Variants in SPON1 observed in about 807,000 individuals in gnomAD.
The protein encoded by SPON1 is spondin 1, also known as spondin-1.
SPON1 carries 52 observed loss-of-function variants against 111.7 expected under a neutral mutation model. That is an observed-to-expected ratio of 0.47 (90% CI 0.37 to 0.59). The LOEUF (loss-of-function observed/expected upper bound fraction) is 0.59. SPON1 is among the 20% of genes least tolerant of loss of function. The pLI, the probability that SPON1 is intolerant of heterozygous loss-of-function variation, is 0.00. For missense variants in SPON1, 957 were observed against 1,068.5 expected (o/e 0.90, Z 1.46); for synonymous variants, 410 against 395.8 (o/e 1.04, Z -0.43).
At chr11:13,981,473 C>T (rs1245269570) in intron 1 of SPON1, among the ~76,000 whole-genome samples, 1 of 152,142 alleles carries the variant, frequency 6.6e-6, no homozygotes, top group South Asian at 2.1e-4. Flanking sequence ...ACTACAGGTG[C>T]CTACCACCAC....
intron 2 of SPON1, among the ~76,000 whole-genome samples, chr11:14,037,797 G>A (rs1554916828): frequency 6.6e-6 from 1 of 152,204 alleles, no homozygotes. Context: ...GAGAAGACAA[G>A]CCACAGATTT....
intron 6 of SPON1, among the ~76,000 whole-genome samples, chr11:14,191,186 C>T (rs782315106): frequency 1.8e-4 from 27 of 152,212 alleles, no homozygotes; most frequent in African/African-American, 4.8e-4. Context: ...TCTCTGAGTC[C>T]GCTGCTGCCT....
chr11:14,116,301 G>A (rs1849266608), intron 5 of SPON1, among the ~76,000 whole-genome samples: 1 of 151,964 alleles, frequency 6.6e-6, no homozygotes, highest in African/African-American at 2.4e-5. Flanking sequence ...CATTTAAGAA[G>A]TTTTTGCCTA....
intron 6 of SPON1, among the ~76,000 whole-genome samples, chr11:14,145,676 C>A (rs1227505252): frequency 6.6e-6 from 1 of 151,940 alleles, no homozygotes; most frequent in Non-Finnish European, 1.5e-5. Context: ...TAAAATAATT[C>A]TATATCTAGG....
chr11:13,976,809 A>G (rs1180759396), intron 1 of SPON1, among the ~76,000 whole-genome samples: 1 of 152,230 alleles, frequency 6.6e-6, no homozygotes, highest in Admixed American at 6.5e-5. Context: ...GATCATGACT[A>G]GCTCTTCAGC....
chr11:14,182,788 C>T (rs548619162), intron 6 of SPON1, among the ~76,000 whole-genome samples: 2 of 152,264 alleles, frequency 1.3e-5, no homozygotes, highest in South Asian at 2.1e-4. Flanking sequence ...CACACTCCAG[C>T]GCTCACTGAA....
At chr11:14,126,254 T>C (rs1847458162) in intron 5 of SPON1, among the ~76,000 whole-genome samples, 1 of 152,294 alleles carries the variant, frequency 6.6e-6, no homozygotes, top group African/African-American at 2.4e-5. Flanking sequence ...AAATTAACCA[T>C]CACTCTGCCA....
chr11:13,982,641 G>T (rs1554909804), intron 1 of SPON1, among the ~76,000 whole-genome samples: 1 of 152,162 alleles, frequency 6.6e-6, no homozygotes, highest in Non-Finnish European at 1.5e-5. Context: ...TAGCAGCTCA[G>T]ATATTTAACA....
chr11:14,237,567 T>A (rs1329255957), intron 6 of SPON1, among the ~76,000 whole-genome samples: 1 of 152,232 alleles, frequency 6.6e-6, no homozygotes, highest in Non-Finnish European at 1.5e-5. Flanking sequence ...TCATCTGCAG[T>A]GGACAGCGTG....
chr11:14,137,564 C>G (rs782304449), intron 6 of SPON1, among the ~76,000 whole-genome samples: 1 of 152,058 alleles, frequency 6.6e-6, no homozygotes, highest in Admixed American at 6.6e-5. Context: ...ATAAGGAAAC[C>G]AAGGCATGGT....
At chr11:14,007,570 A>C (rs1449827165) in intron 2 of SPON1, among the ~76,000 whole-genome samples, 1 of 152,186 alleles carries the variant, frequency 6.6e-6, no homozygotes, top group African/African-American at 2.4e-5. Flanking sequence ...TGCCTTCCCC[A>C]GTCCACTGAC....
At chr11:14,184,459 T>G (rs1046479250) in intron 6 of SPON1, among the ~76,000 whole-genome samples, 2 of 152,178 alleles carry the variant, frequency 1.3e-5, no homozygotes, top group African/African-American at 2.4e-5. Flanking sequence ...TGCTATTACC[T>G]CTGAAGCATC....
At chr11:14,116,448 T>A (rs1328699025) in intron 5 of SPON1, among the ~76,000 whole-genome samples, 1 of 151,398 alleles carries the variant, frequency 6.6e-6, no homozygotes, top group East Asian at 2.0e-4. Flanking sequence ...TCTTTCTGAA[T>A]TTTTTTTTAC....
chr11:14,261,268 C>T (rs181134009), intron 14 of SPON1, among the ~76,000 whole-genome samples: 139 of 152,280 alleles, frequency 9.1e-4, no homozygotes, highest in African/African-American at 3.2e-3. Flanking sequence ...TCTCTGCGAT[C>T]AGCTGTTTAT....
chr11:14,143,741 C>T (rs1307097275), intron 6 of SPON1, among the ~76,000 whole-genome samples: 2 of 152,058 alleles, frequency 1.3e-5, no homozygotes, highest in South Asian at 2.1e-4. Flanking sequence ...TTCAGGAGCA[C>T]TAAAGAAAGA....
intron 7 of SPON1, among the ~76,000 whole-genome samples, chr11:14,251,314 C>G (rs1310136978): frequency 6.6e-6 from 1 of 152,212 alleles, no homozygotes; most frequent in Non-Finnish European, 1.5e-5. Flanking sequence ...GAATTGGCCG[C>G]CCCACGTTTC....
At chr11:14,139,926 T>G (rs1847633935) in intron 6 of SPON1, among the ~76,000 whole-genome samples, 1 of 152,062 alleles carries the variant, frequency 6.6e-6, no homozygotes, top group Admixed American at 6.6e-5. Context: ...GAACATAACT[T>G]ATTGTGCTTA....
At chr11:14,193,658 GC>G (rs1554934791) in intron 6 of SPON1, among the ~76,000 whole-genome samples, 1 of 152,068 alleles carries the variant, frequency 6.6e-6, no homozygotes, top group Non-Finnish European at 1.5e-5. Flanking sequence ...TCCCTCTCTG[GC>G]CCTCCTCAGA....
chr11:14,086,177 A>G (rs961522099), intron 5 of SPON1, among the ~76,000 whole-genome samples: 2 of 152,086 alleles, frequency 1.3e-5, no homozygotes, highest in African/African-American at 2.4e-5. Context: ...AACTTCCAAT[A>G]GTATGTTAAA....
Sources: allele counts gnomAD v4.1 joint callset (sites outside exome capture counted in the v4.1 genomes callset), GRCh38; gene constraint gnomAD v4.1.1; transcripts MANE v1.5; gene names NCBI Gene and HGNC (gene_info 2026-07-23, HGNC 2026-07-21).